Variants in ZSCAN18 observed in about 807,000 individuals in gnomAD.
The protein encoded by ZSCAN18 is zinc finger and SCAN domain containing 18.
ZSCAN18 carries 16 observed loss-of-function variants against 31.1 expected under a neutral mutation model. The observed-to-expected ratio is 0.51, with a 90% CI of 0.35 to 0.78. ZSCAN18 has a LOEUF of 0.78. Ranked by LOEUF, ZSCAN18 falls within the 30% of genes least tolerant of loss-of-function variation. ZSCAN18 has a pLI of 0.01. For synonymous variants in ZSCAN18, 375 were observed against 320.7 expected, an observed-to-expected ratio of 1.17 and a Z score of -1.81; for missense variants, 731 against 697.4, an observed-to-expected ratio of 1.05 and a Z score of -0.54.
upstream of ZSCAN18, among the ~76,000 whole-genome samples, chr19:58,103,214 G>C (rs137959197): frequency 8.5e-5 from 13 of 152,314 alleles, no homozygotes; most frequent in African/African-American, 3.1e-4. Flanking sequence ...GGCAAGATAT[G>C]TATCACAGAA....
At chr19:58,089,329 AAAAAAAAAAG>A (rs2074360112) in intron 2 of ZSCAN18, among the ~76,000 whole-genome samples, 1 of 131,614 alleles carries the variant, frequency 7.6e-6, no homozygotes, top group Non-Finnish European at 1.6e-5. Context: ...AAAAAAAAAA[AAAAAAAAAAG>A]AGGCTGGGCT....
chr19:58,117,268 G>C (rs2074737881), intron 1 of ZSCAN18, among the ~76,000 whole-genome samples: 1 of 152,120 alleles, frequency 6.6e-6, no homozygotes, highest in Non-Finnish European at 1.5e-5. Flanking sequence ...TTGGGGGAGA[G>C]TAGATGCTCA....
Position 58,112,132 on chromosome 19 carries a change from G to A in ZSCAN18, c.130+6135C>T, listed in dbSNP as rs183400000. ...TCCCTGAAGCCTCGACTGCCCTGGG[G>A]TAAGGTGATCCTCCCACCTCAGTCT... On this transcript the variant is annotated intron_variant, in intron 1 of 1. Coordinates refer to the ZSCAN18 transcript ENST00000595721. Among the ~76,000 whole-genome samples the A allele has an allele frequency of 4.1e-3, 618 of 152,140 alleles. 4 individuals are homozygous for A. The highest frequency in any genetic ancestry group is 0.014 in the African/African-American group (589 of 41,514).
chr19:58,084,750 C>T lies in ZSCAN18; in HGVS notation c.1468G>A (p.Ala490Thr), dbSNP rs1188910006. The T allele has an allele frequency of 6.4e-7, 1 of 1,560,932 alleles. No homozygotes were observed. The highest frequency in any genetic ancestry group is 1.9e-5 in the Admixed American group (1 of 53,984). The change falls in exon 7 of 7, where the codon GCG (alanine) becomes ACG (threonine). Residue 490 changes from alanine to threonine, a missense_variant. Ala to Thr is a moderately conservative substitution (Grantham distance 58). Coordinates refer to ENST00000601144, the MANE Select transcript of ZSCAN18 (RefSeq NM_001145543.2). The surrounding 1 kb of genome is among the most constrained non-coding windows in gnomAD (Gnocchi z 4.5). ...TCCACGCTCTCTGGGGGACCGCCCG[C>T]CCTAGCCCCCGCCTGGGCTTCGCGG... ...STREAQAGAR[A>T]GGPPESVEGE...
chr19:58,111,173 A>AC (rs1244211163), intron 1 of ZSCAN18, among the ~76,000 whole-genome samples: 1 of 151,654 alleles, frequency 6.6e-6, no homozygotes, highest in East Asian at 1.9e-4. Context: ...GTCTCAAAAA[A>AC]AAAAAATTCC....
intron 1 of ZSCAN18, chr19:58,109,082 C>T (rs2074658428): frequency 8.1e-7 from 1 of 1,227,046 alleles, no homozygotes; most frequent in African/African-American, 1.6e-5. Flanking sequence ...ACCACAGCCC[C>T]TCATAGATGC....
chr19:58,088,574 G>T, intron 3 of ZSCAN18, 114 bp downstream of exon 3: 1 of 1,050,410 alleles, frequency 9.5e-7, no homozygotes, highest in South Asian at 1.6e-5. Flanking sequence ...TGATAGCATG[G>T]ACCATGGAGC....
At chr19:58,097,833 T>A (rs2146010182) in intron 1 of ZSCAN18, 8 of 456,794 alleles carry the variant, frequency 1.8e-5, no homozygotes, top group Non-Finnish European at 2.2e-5. Flanking sequence ...CTCTCCCCCA[T>A]CAGGAGCCGC....
chr19:58,087,768 C>T (rs2074313442), intron 3 of ZSCAN18: 1 of 181,638 alleles, frequency 5.5e-6, no homozygotes, highest in Non-Finnish European at 1.2e-5. Context: ...CCACCTCAGC[C>T]TCCCAAGTAG....
At chr19:58,114,231 G>A (rs866614409) in intron 1 of ZSCAN18, among the ~76,000 whole-genome samples, 1 of 152,166 alleles carries the variant, frequency 6.6e-6, no homozygotes, top group Non-Finnish European at 1.5e-5. Flanking sequence ...TCATGCCATT[G>A]TACTCCAGCC....
intron 5 of ZSCAN18, chr19:58,086,499 A>G: frequency 1.9e-6 from 1 of 515,364 alleles, no homozygotes; most frequent in Non-Finnish European, 3.4e-6. Flanking sequence ...GCAAAGCTAA[A>G]GAAAGACATT....
At chr19:58,118,293 G>T in exon 1 of ZSCAN18, 1 of 1,505,640 alleles carries the variant, frequency 6.6e-7, no homozygotes, top group Non-Finnish European at 8.9e-7. Context: ...CTCCGCGACC[G>T]GTGGGCGGGA....
intron 1 of ZSCAN18, among the ~76,000 whole-genome samples, chr19:58,111,040 C>A (rs1251102155): frequency 6.6e-6 from 1 of 152,026 alleles, no homozygotes; most frequent in Non-Finnish European, 1.5e-5. Flanking sequence ...TGGTGGCGGG[C>A]GCCTGTAGTC....
upstream of ZSCAN18, among the ~76,000 whole-genome samples, chr19:58,100,615 G>T (rs1333952140): frequency 6.6e-6 from 1 of 152,122 alleles, no homozygotes. Context: ...CAGGGATAAA[G>T]ATCAAATGTA....
chr19:58,108,904 G>A (rs2074656932), intron 1 of ZSCAN18: 1 of 1,026,080 alleles, frequency 9.7e-7, no homozygotes, highest in Middle Eastern at 4.6e-4. Context: ...GCTGATGGCT[G>A]CTCTACAGTC....
chr19:58,091,924 G>C (rs549825385), intron 1 of ZSCAN18, among the ~76,000 whole-genome samples: 8 of 152,190 alleles, frequency 5.3e-5, no homozygotes, highest in African/African-American at 1.4e-4. Flanking sequence ...ACCACACCAG[G>C]CCAGGTGCTG....
At chr19:58,109,604 A>C (rs1391946540) in intron 1 of ZSCAN18, among the ~76,000 whole-genome samples, 1 of 152,224 alleles carries the variant, frequency 6.6e-6, no homozygotes, top group African/African-American at 2.4e-5. Flanking sequence ...AAAAGTGAAT[A>C]AACTAAGAGT....
chr19:58,100,852 G>A (rs918193690), upstream of ZSCAN18, among the ~76,000 whole-genome samples: 1 of 151,552 alleles, frequency 6.6e-6, no homozygotes, highest in African/African-American at 2.4e-5. Flanking sequence ...TCCAGCCTGG[G>A]CAAAAGAGCA....
intron 2 of ZSCAN18, among the ~76,000 whole-genome samples, chr19:58,089,227 C>T (rs1460452292): frequency 1.5e-5 from 2 of 131,142 alleles, no homozygotes; most frequent in African/African-American, 5.8e-5. Context: ...GGCGTGAACC[C>T]GGGAGGCGGA....
Sources: allele counts gnomAD v4.1 joint callset (sites outside exome capture counted in the v4.1 genomes callset), GRCh38; gene constraint gnomAD v4.1.1; non-coding constraint Gnocchi (gnomAD v3.1); transcripts MANE v1.5; gene names NCBI Gene and HGNC (gene_info 2026-07-23, HGNC 2026-07-21).